C8orf34: variants seen among roughly 807,000 people sequenced by gnomAD.
C8orf34 encodes the protein chromosome 8 open reading frame 34, also known as uncharacterized protein C8orf34.
A neutral mutation model predicts 68.3 loss-of-function variants in C8orf34; 65 were observed. The ratio of observed to expected loss-of-function variants is 0.95; its 90% CI spans 0.78 to 1.17. The LOEUF (loss-of-function observed/expected upper bound fraction) is 1.17, where lower values mean the gene tolerates loss of function less well. Ranked by LOEUF, C8orf34 falls within the 50% of genes most tolerant of loss-of-function variation. The pLI, the probability that C8orf34 is intolerant of heterozygous loss-of-function variation, is 0.00. For synonymous variants in C8orf34, 244 were observed against 241.2 expected (o/e 1.01, Z -0.11); for missense variants, 664 against 655.4 (o/e 1.01, Z -0.14).
intron 10 of C8orf34, among the ~76,000 whole-genome samples, chr8:68,771,233 A>G (rs1585857421): frequency 6.6e-6 from 1 of 152,158 alleles, no homozygotes; most frequent in Middle Eastern, 3.2e-3. Context: ...CTAGTTTTTC[A>G]TTAATTGGGG....
intron 1 of C8orf34, among the ~76,000 whole-genome samples, chr8:68,398,862 C>T (rs1351691958): frequency 2.0e-5 from 3 of 152,148 alleles, no homozygotes. Context: ...CAGTGTCTTA[C>T]TCAGCAACTC....
chr8:68,566,744 A>C (rs767173551), intron 7 of C8orf34, among the ~76,000 whole-genome samples: 28 of 152,332 alleles, frequency 1.8e-4, no homozygotes, highest in Non-Finnish European at 3.7e-4. Flanking sequence ...TATCAGCAAT[A>C]AGGCGTTGTG....
chr8:68,640,129 C>T (rs1355684953), intron 7 of C8orf34, among the ~76,000 whole-genome samples: 1 of 152,144 alleles, frequency 6.6e-6, no homozygotes, highest in Non-Finnish European at 1.5e-5. Flanking sequence ...GTCATAAGTG[C>T]TCTGCCCACT....
intron 1 of C8orf34, among the ~76,000 whole-genome samples, chr8:68,361,782 T>A (rs938976603): frequency 6.6e-6 from 1 of 152,216 alleles, no homozygotes; most frequent in African/African-American, 2.4e-5. Flanking sequence ...AACTGAGTAC[T>A]TGTTGGGTGA....
intron 2 of C8orf34, among the ~76,000 whole-genome samples, chr8:68,443,691 C>T (rs1035391248): frequency 3.3e-5 from 5 of 152,100 alleles, no homozygotes; most frequent in Non-Finnish European, 5.9e-5. Context: ...CAGGCATGAG[C>T]CTCCACACCC....
intron 8 of C8orf34, among the ~76,000 whole-genome samples, chr8:68,657,135 G>A (rs899779102): frequency 6.6e-6 from 1 of 152,008 alleles, no homozygotes; most frequent in Non-Finnish European, 1.5e-5. Context: ...ACCTCATTCT[G>A]CCTGGAAGGA....
chr8:68,348,302 A>G lies in C8orf34; in HGVS notation c.327+16963A>G, dbSNP rs115012781. On this transcript the variant is annotated intron_variant, in intron 1 of 13. Transcript: ENST00000518698. The stretch of plus-strand genomic sequence containing the variant: ...ATGTAGCTTTATTTCTGGGCTCTCT[A>G]TTCTGTTCCACTGGTCTACGTGCCT... Among the ~76,000 whole-genome samples the G allele has an allele frequency of 7.4e-3, 1,128 of 151,840 alleles. 15 individuals are homozygous for G. Among genetic ancestry groups the G allele is most frequent in the African/African-American group, 0.025 (1,042 of 41,444 alleles).
intron 7 of C8orf34, among the ~76,000 whole-genome samples, chr8:68,616,029 G>T (rs1387795728): frequency 6.6e-6 from 1 of 151,216 alleles, no homozygotes; most frequent in African/African-American, 2.5e-5. Flanking sequence ...GAGGGTGTAC[G>T]TGTCGAGGAA....
chr8:68,771,791 G>A (rs970786073), intron 10 of C8orf34, among the ~76,000 whole-genome samples: 7 of 152,090 alleles, frequency 4.6e-5, no homozygotes, highest in Non-Finnish European at 8.8e-5. Flanking sequence ...AAAAAAAAAT[G>A]AAAGACTAGA....
intron 3 of C8orf34, among the ~76,000 whole-genome samples, chr8:68,455,845 C>T (rs545643598): frequency 1.3e-5 from 2 of 151,480 alleles, no homozygotes; most frequent in African/African-American, 4.9e-5. Context: ...AAAAAAATTT[C>T]TGAGTATTGT....
chr8:68,653,682 T>C (rs1761600306), intron 8 of C8orf34, among the ~76,000 whole-genome samples: 1 of 152,142 alleles, frequency 6.6e-6, no homozygotes, highest in African/African-American at 2.4e-5. Flanking sequence ...TAAACTCTTC[T>C]TGTAGGAGTA....
intron 12 of C8orf34, among the ~76,000 whole-genome samples, chr8:68,801,858 C>A (rs2129529595): frequency 6.6e-6 from 1 of 151,462 alleles, no homozygotes; most frequent in South Asian, 2.1e-4. Flanking sequence ...TCCCAAAATA[C>A]CCTCTGTGAT....
At chr8:68,492,336 C>T (rs1205842264) in intron 5 of C8orf34, among the ~76,000 whole-genome samples, 3 of 151,924 alleles carry the variant, frequency 2.0e-5, no homozygotes, top group Non-Finnish European at 2.9e-5. Flanking sequence ...CTCAAATGAC[C>T]CTCCCACCTC....
chr8:68,486,156 CCAAAAATTCCA>C (rs1342248114), intron 4 of C8orf34, among the ~76,000 whole-genome samples: 4 of 151,694 alleles, frequency 2.6e-5, no homozygotes, highest in Non-Finnish European at 1.5e-5. Context: ...TTTTTTAAGC[CCAAAAATTCCA>C]CAAATGTATG....
intron 6 of C8orf34, among the ~76,000 whole-genome samples, chr8:68,522,827 C>A (rs879480667): frequency 1.4e-4 from 22 of 152,152 alleles, no homozygotes; most frequent in Non-Finnish European, 1.9e-4. Flanking sequence ...GGAGTTTAAG[C>A]TTTCTGTGAG....
intron 1 of C8orf34, among the ~76,000 whole-genome samples, chr8:68,414,946 G>A (rs1180398524): frequency 6.6e-6 from 1 of 152,098 alleles, no homozygotes; most frequent in Admixed American, 6.6e-5. Context: ...CTGAGTTACA[G>A]CCAATGGCTC....
At chr8:68,560,069 A>T (rs550602014) in intron 7 of C8orf34, among the ~76,000 whole-genome samples, 1 of 152,094 alleles carries the variant, frequency 6.6e-6, no homozygotes, top group African/African-American at 2.4e-5. Context: ...GGGACTTTGC[A>T]TTCCATATTA....
At chr8:68,793,430 A>G (rs187358600) in intron 12 of C8orf34, among the ~76,000 whole-genome samples, 5 of 152,334 alleles carry the variant, frequency 3.3e-5, no homozygotes, top group Non-Finnish European at 5.9e-5. Flanking sequence ...AAAAGCAAAT[A>G]TTAGAAGAAA....
At chr8:68,697,374 C>T (rs188159234) in intron 8 of C8orf34, among the ~76,000 whole-genome samples, 16 of 152,094 alleles carry the variant, frequency 1.1e-4, no homozygotes, top group Admixed American at 9.8e-4. Context: ...CTAGACTCCT[C>T]GCAGCTTCCT....
Sources: gnomAD v4.1 joint callset for allele counts (sites outside exome capture counted in the v4.1 genomes callset) on GRCh38, gnomAD v4.1.1 for gene constraint, MANE v1.5 for transcripts, NCBI Gene and HGNC (gene_info 2026-07-23, HGNC 2026-07-21) for gene names.